RBFOX2: variants seen among roughly 807,000 people sequenced by gnomAD.
RBFOX2 encodes the protein RNA binding protein fox-1 homolog 2.
In RBFOX2, 10 loss-of-function variants were observed where a neutral mutation model predicts 49.1. The ratio of observed to expected loss-of-function variants is 0.20; its 90% CI spans 0.13 to 0.35. The LOEUF is 0.35. Ranked by LOEUF, RBFOX2 falls within the 10% of genes least tolerant of loss-of-function variation. The pLI, the probability that RBFOX2 is intolerant of heterozygous loss-of-function variation, is 1.00. For missense variants in RBFOX2, 323 were observed against 486.9 expected (o/e 0.66, Z 3.17); for synonymous variants, 183 against 187.4 (o/e 0.98, Z 0.19).
intron 2 of RBFOX2, among the ~76,000 whole-genome samples, chr22:35,789,575 T>C (rs1947174784): frequency 1.3e-5 from 2 of 152,116 alleles, no homozygotes; most frequent in Admixed American, 1.3e-4. Context: ...ACCTTTATTT[T>C]TTCAGTTTCA....
chr22:35,940,433 C>T (rs911021906), upstream of RBFOX2, among the ~76,000 whole-genome samples: 1 of 152,032 alleles, frequency 6.6e-6, no homozygotes, highest in Non-Finnish European at 1.5e-5. Flanking sequence ...AAACAAAATG[C>T]CAGACAACAA....
At chr22:35,772,645 T>A (rs1942980609) in intron 4 of RBFOX2, among the ~76,000 whole-genome samples, 1 of 152,174 alleles carries the variant, frequency 6.6e-6, no homozygotes, top group South Asian at 2.1e-4. Flanking sequence ...ACACCAGTGT[T>A]ACATTAGTGA....
chr22:35,778,148 A>G, intron 3 of RBFOX2, 70 bp from the exon 5 acceptor site: 1 of 1,250,400 alleles, frequency 8.0e-7, no homozygotes, highest in Non-Finnish European at 1.2e-6. Context: ...TATCTTCTGA[A>G]ATGGGAATAG....
chr22:35,801,645 T>C (rs207477984), intron 2 of RBFOX2, among the ~76,000 whole-genome samples: 2 of 152,006 alleles, frequency 1.3e-5, no homozygotes, highest in African/African-American at 2.4e-5. Context: ...GCCAACATGG[T>C]GAAACCTCGT....
upstream of RBFOX2, among the ~76,000 whole-genome samples, chr22:35,941,403 T>C (rs1252132175): frequency 6.6e-6 from 1 of 152,110 alleles, no homozygotes; most frequent in Admixed American, 6.6e-5. Flanking sequence ...TATACAAAAA[T>C]ATATTTCCTA....
intron 1 of RBFOX2, among the ~76,000 whole-genome samples, chr22:36,013,939 G>A (rs1290814675): frequency 2.6e-5 from 4 of 151,996 alleles, no homozygotes; most frequent in Non-Finnish European, 5.9e-5. Flanking sequence ...TACCGGTAGG[G>A]AATCTGGGCG....
intron 6 of RBFOX2, 131 bp from the exon 8 acceptor site, chr22:35,761,599 G>A: frequency 1.1e-6 from 1 of 888,042 alleles, no homozygotes; most frequent in Non-Finnish European, 1.8e-6. Flanking sequence ...TGGAATTCCA[G>A]CTTGGGGTTT....
At chr22:35,897,497 C>T in intron 1 of RBFOX2, 1 of 820,060 alleles carries the variant, frequency 1.2e-6, no homozygotes, top group Non-Finnish European at 2.2e-6. Context: ...CTCTTGCTAC[C>T]CACTGATAGG....
chr22:35,802,250 C>G (rs538248237), intron 2 of RBFOX2, among the ~76,000 whole-genome samples: 1 of 151,974 alleles, frequency 6.6e-6, no homozygotes, highest in Non-Finnish European at 1.5e-5. Context: ...AAAAGAGAAA[C>G]AGAAATGGGC....
At chr22:35,966,953 T>C (rs2056597321) in intron 1 of RBFOX2, among the ~76,000 whole-genome samples, 1 of 151,174 alleles carries the variant, frequency 6.6e-6, no homozygotes, top group Admixed American at 6.6e-5. Flanking sequence ...GTTGGAACAA[T>C]AGGCACATGG....
At chr22:35,914,756 A>ATTCT (rs1406043381) in intron 1 of RBFOX2, among the ~76,000 whole-genome samples, 1 of 152,188 alleles carries the variant, frequency 6.6e-6, no homozygotes, top group East Asian at 1.9e-4. Context: ...AAAAGGGAGA[A>ATTCT]GAATGTCACC....
intron 4 of RBFOX2, among the ~76,000 whole-genome samples, chr22:35,769,466 T>C (rs1450165216): frequency 6.6e-6 from 1 of 152,214 alleles, no homozygotes; most frequent in Non-Finnish European, 1.5e-5. Context: ...TATATACTTA[T>C]ATGACTTTCC....
chr22:35,778,330 C>A (rs1017397449), intron 3 of RBFOX2, among the ~76,000 whole-genome samples: 2 of 152,188 alleles, frequency 1.3e-5, no homozygotes, highest in African/African-American at 4.8e-5. Flanking sequence ...TTAGATACTT[C>A]ATGTGGACAA....
intron 1 of RBFOX2, among the ~76,000 whole-genome samples, chr22:35,865,621 C>G (rs188280064): frequency 7.8e-4 from 118 of 151,816 alleles, no homozygotes; most frequent in Admixed American, 2.7e-3. Context: ...GAGGGATTCA[C>G]TTAGTGACAA....
chr22:35,763,751 C>CA (rs1326538045), intron 6 of RBFOX2, among the ~76,000 whole-genome samples: 1 of 152,144 alleles, frequency 6.6e-6, no homozygotes, highest in East Asian at 1.9e-4. Context: ...TTCTGGGTCT[C>CA]ATTTCCTAAT....
intron 4 of RBFOX2, among the ~76,000 whole-genome samples, chr22:35,777,331 T>A (rs1360620862): frequency 6.6e-6 from 1 of 152,186 alleles, no homozygotes; most frequent in Non-Finnish European, 1.5e-5. Context: ...AAATAAATTT[T>A]AATTAAAAAT....
At chr22:35,758,212 C>A (rs576795555) in intron 9 of RBFOX2, among the ~76,000 whole-genome samples, 1 of 152,200 alleles carries the variant, frequency 6.6e-6, no homozygotes, top group Admixed American at 6.5e-5. Flanking sequence ...ATGTAATGCA[C>A]AGAAATTGAT....
chr22:35,772,223 A>T (rs1321328197), intron 4 of RBFOX2, among the ~76,000 whole-genome samples: 2 of 152,212 alleles, frequency 1.3e-5, no homozygotes, highest in African/African-American at 4.8e-5. Context: ...AGTAAACTTT[A>T]ATTTTTAATT....
At chr22:35,744,786 C>T (rs536747670) in intron 11 of RBFOX2, among the ~76,000 whole-genome samples, 1 of 152,348 alleles carries the variant, frequency 6.6e-6, no homozygotes, top group African/African-American at 2.4e-5. Flanking sequence ...ACGAAGCACA[C>T]CAACTAGGCT....
Sources: allele counts gnomAD v4.1 joint callset (sites outside exome capture counted in the v4.1 genomes callset), GRCh38; gene constraint gnomAD v4.1.1; transcripts MANE v1.5; gene names NCBI Gene and HGNC (gene_info 2026-07-23, HGNC 2026-07-21).